The following FRYL variants were observed in gnomAD, a reference collection of about 807,000 sequenced individuals.
FRYL encodes the protein FRY like transcription coactivator, also known as protein furry homolog-like.
Under a neutral mutation model 351.2 loss-of-function variants are expected in FRYL, and 150 were observed. The observed-to-expected ratio is 0.43, with a 90% CI of 0.37 to 0.49. The LOEUF (loss-of-function observed/expected upper bound fraction) is 0.49. FRYL is among the 20% of genes least tolerant of loss of function. The pLI, the probability that FRYL is intolerant of heterozygous loss-of-function variation, is 0.00. For missense variants in FRYL, 3,036 were observed against 3,619.3 expected (o/e 0.84, Z 4.13); for synonymous variants, 1,153 against 1,257.1 (o/e 0.92, Z 1.75).
At chr4:48,639,499 C>G (rs1418792594) in intron 3 of FRYL, among the ~76,000 whole-genome samples, 2 of 144,726 alleles carry the variant, frequency 1.4e-5, no homozygotes, top group Non-Finnish European at 3.1e-5. Flanking sequence ...AAAAAAAAAT[C>G]TAGATACAGA....
Position 48,581,198 on chromosome 4 carries a change from G to A in FRYL, c.2172+222C>T, listed in dbSNP as rs865877291. 2.3e-4 allele frequency among the ~76,000 whole-genome samples: 35 copies of A among 151,882 alleles called. 1 individual carries two copies. The highest frequency in any genetic ancestry group is 6.8e-4 in the African/African-American group (28 of 41,442). ...CTGGACTACAGGCGCCCGCCACCACGCCCGGCTAATTTTTTTTTTATATTT... is the reference window on the plus strand; with the variant it reads ...CTGGACTACAGGCGCCCGCCACCACACCCGGCTAATTTTTTTTTTATATTT... On this transcript the variant is annotated intron_variant, in intron 21 of 63. Coordinates refer to ENST00000358350, the MANE Select transcript of FRYL (RefSeq NM_015030.2).
intron 3 of FRYL, among the ~76,000 whole-genome samples, chr4:48,645,155 T>TATATATATATATATATATATA (rs1756200515): frequency 7.8e-6 from 1 of 127,438 alleles, no homozygotes; most frequent in African/African-American, 2.8e-5. Context: ...TATATATATA[T>TATATATATATATATATATATA]CAGACTGGCA....
At chr4:48,541,877 C>G in intron 45 of FRYL, 150 bp downstream of exon 45, 1 of 597,166 alleles carries the variant, frequency 1.7e-6, no homozygotes, top group South Asian at 2.4e-5. Context: ...CACAAGTCCT[C>G]ACTGTCTGCG....
intron 3 of FRYL, among the ~76,000 whole-genome samples, chr4:48,650,633 G>A (rs1005026012): frequency 2.6e-5 from 4 of 152,196 alleles, no homozygotes; most frequent in South Asian, 2.1e-4. Context: ...AACTGGCAAA[G>A]CATGGCGAGA....
At chr4:48,701,420 C>A (rs1198956876) in intron 2 of FRYL, among the ~76,000 whole-genome samples, 1 of 151,874 alleles carries the variant, frequency 6.6e-6, no homozygotes, top group Non-Finnish European at 1.5e-5. Context: ...GCCACAGTTA[C>A]CCACACAAAA....
In FRYL at chr4:48,501,717, C is replaced by T. The variant is rs776349108; in HGVS notation, c.8498G>A (p.Arg2833Gln). Residue 2833 changes from arginine (R) to glutamine (Q), a missense_variant, in exon 62 of 64, where the codon CGA becomes CAA. This residue lies in a region of FRYL where 1,987 missense variants were observed against 2,311.7 expected (regional missense o/e 0.86). Transcript: ENST00000358350. The part of the protein sequence containing the change: ...MEILAELELC[R>Q]RLYKLHFQLL... ...TTGAAAATGCAATTTGTATAATCTT[C>T]GGCAGAGCTCCAATTCCTAGAAATA... The T allele has an allele frequency of 9.4e-6, 15 of 1,596,146 alleles. No homozygotes were observed. The highest frequency in any genetic ancestry group is 1.7e-4 in the Middle Eastern group (1 of 6,018).
intron 27 of FRYL, among the ~76,000 whole-genome samples, chr4:48,569,985 T>G (rs1206431834): frequency 1.3e-5 from 2 of 152,130 alleles, no homozygotes; most frequent in East Asian, 3.9e-4. Flanking sequence ...GCTGATTGTT[T>G]GCGTTTTTTA....
At chr4:48,605,124 G>A (rs547539129) in intron 11 of FRYL, among the ~76,000 whole-genome samples, 25 of 152,124 alleles carry the variant, frequency 1.6e-4, no homozygotes, top group Non-Finnish European at 2.6e-4. Flanking sequence ...GGGAGGAAAC[G>A]GGGGCTGTGT....
chr4:48,654,298 C>CAAAAAAA (rs34418324), intron 3 of FRYL, among the ~76,000 whole-genome samples: 14 of 123,616 alleles, frequency 1.1e-4, no homozygotes, highest in African/African-American at 2.4e-4. Flanking sequence ...AATAGCTGAT[C>CAAAAAAA]AAAAAAAAAA....
At chr4:48,651,879 A>G (rs781383860) in intron 3 of FRYL, among the ~76,000 whole-genome samples, 1 of 152,356 alleles carries the variant, frequency 6.6e-6, no homozygotes, top group East Asian at 1.9e-4. Context: ...TTCCAGGGCT[A>G]CAGCAGACAA....
chr4:48,682,352 A>C (rs140111016), intron 3 of FRYL, among the ~76,000 whole-genome samples: 1,982 of 152,306 alleles, frequency 0.013, 33 homozygotes, highest in Non-Finnish European at 0.017. Context: ...CATTCAGGAC[A>C]CAGGCATGGG....
At chr4:48,704,881 G>A (rs566474564) in intron 2 of FRYL, among the ~76,000 whole-genome samples, 33 of 151,880 alleles carry the variant, frequency 2.2e-4, no homozygotes, top group African/African-American at 8.0e-4. Context: ...CCCAGGAGAC[G>A]GAGGTTGCAG....
intron 4 of FRYL, among the ~76,000 whole-genome samples, chr4:48,630,776 C>A (rs1752818512): frequency 6.6e-6 from 1 of 152,146 alleles, no homozygotes; most frequent in Non-Finnish European, 1.5e-5. Context: ...CCAATTCTCT[C>A]ATTTTAGTGG....
chr4:48,768,261 C>T lies in FRYL; in HGVS notation c.-384+11817G>A, dbSNP rs111639332. On this transcript the variant is annotated intron_variant, in intron 1 of 63. Coordinates refer to ENST00000358350, the MANE Select transcript of FRYL (RefSeq NM_015030.2). ...TCTGAATTGCGATAGCACTCACAAACGCACAAATGGATTCTTAAAAGATTT... is the reference window on the plus strand; with the variant it reads ...TCTGAATTGCGATAGCACTCACAAATGCACAAATGGATTCTTAAAAGATTT... Among the ~76,000 whole-genome samples, 684 of 152,240 alleles carry T rather than the reference C, an allele frequency of 4.5e-3. 4 individuals carry two copies. Among genetic ancestry groups the T allele is most frequent in the African/African-American group, 0.015 (634 of 41,542 alleles).
chr4:48,750,626 C>T (rs1185031460), intron 1 of FRYL, among the ~76,000 whole-genome samples: 1 of 151,832 alleles, frequency 6.6e-6, no homozygotes, highest in African/African-American at 2.4e-5. Flanking sequence ...AAAGAAGGAG[C>T]CTATAGGATC....
At chr4:48,739,769 G>A (rs1450200954) in intron 1 of FRYL, among the ~76,000 whole-genome samples, 1 of 152,160 alleles carries the variant, frequency 6.6e-6, no homozygotes, top group African/African-American at 2.4e-5. Flanking sequence ...TCCTCGATGT[G>A]GTAGTATTGA....
chr4:48,580,805 C>T (rs775427326), intron 22 of FRYL, 60 bp downstream of exon 22: 1 of 1,018,044 alleles, frequency 9.8e-7, no homozygotes, highest in South Asian at 1.3e-5. Context: ...TACATGTATA[C>T]ATATGTGTCT....
In FRYL at chr4:48,549,442, C is replaced by T; in HGVS notation, c.4784+31G>A. ...GACAGTGTTCAGCAGCAACTTGGTG[C>T]ATATGTAAAAGGAATGACGCTGTAG... On this transcript the variant is annotated intron_variant, in intron 39 of 63. Coordinates refer to ENST00000358350, the MANE Select transcript of FRYL (RefSeq NM_015030.2). The surrounding 1 kb of genome is among the most constrained non-coding windows in gnomAD (Gnocchi z 4.2). 1 of 1,576,936 alleles carries T rather than the reference C, an allele frequency of 6.3e-7. No individual in the cohort carries two copies. The highest frequency in any genetic ancestry group is 8.6e-7 in the Non-Finnish European group (1 of 1,158,408).
At chr4:48,594,495 G>A (rs554465856) in intron 15 of FRYL, among the ~76,000 whole-genome samples, 1 of 152,106 alleles carries the variant, frequency 6.6e-6, no homozygotes, top group South Asian at 2.1e-4. Flanking sequence ...CTAATTCAAG[G>A]GAGTGGGTAC....
Sources: allele counts gnomAD v4.1 joint callset (sites outside exome capture counted in the v4.1 genomes callset), GRCh38; gene constraint gnomAD v4.1.1; regional missense constraint gnomAD v4.1.1; non-coding constraint Gnocchi (gnomAD v3.1); transcripts MANE v1.5; gene names NCBI Gene and HGNC (gene_info 2026-07-23, HGNC 2026-07-21).